The following CDK8 variants were observed in gnomAD, a reference collection of about 807,000 sequenced individuals.
CDK8 encodes cyclin-dependent kinase 8.
CDK8 carries 29 observed loss-of-function variants against 71.5 expected under a neutral mutation model. The observed-to-expected ratio is 0.41, with a 90% CI of 0.30 to 0.55. The LOEUF (loss-of-function observed/expected upper bound fraction) is 0.55, where lower values mean the gene tolerates loss of function less well. Among genes scored for constraint, CDK8 ranks in the 20% least tolerant of loss-of-function variants. CDK8 has a pLI of 0.37. For synonymous variants in CDK8, 161 were observed against 192.1 expected, an observed-to-expected ratio of 0.84 and a Z score of 1.34; for missense variants, 288 against 572.6, an observed-to-expected ratio of 0.50 and a Z score of 5.07.
intron 3 of CDK8, among the ~76,000 whole-genome samples, chr13:26,349,974 A>AT (rs1360158269): frequency 6.6e-6 from 1 of 152,148 alleles, no homozygotes; most frequent in African/African-American, 2.4e-5. Flanking sequence ...TGTTTAGATA[A>AT]CACACTTATT....
At chr13:26,324,107 A>G (rs372717218) in intron 1 of CDK8, among the ~76,000 whole-genome samples, 1 of 152,176 alleles carries the variant, frequency 6.6e-6, no homozygotes, top group East Asian at 1.9e-4. Flanking sequence ...TCCTAGAAAT[A>G]ATTGATACAG....
At chr13:26,333,797 A>G (rs1404631049) in intron 1 of CDK8, among the ~76,000 whole-genome samples, 1 of 152,184 alleles carries the variant, frequency 6.6e-6, no homozygotes, top group African/African-American at 2.4e-5. Flanking sequence ...AACACCTCTC[A>G]TCCCATGCAT....
chr13:26,367,518 T>G (rs2138021639), intron 4 of CDK8, among the ~76,000 whole-genome samples: 1 of 152,322 alleles, frequency 6.6e-6, no homozygotes, highest in East Asian at 1.9e-4. Flanking sequence ...GTCTGTCACT[T>G]TTCTCAGCTA....
rs1418310540 is a variant in CDK8, at chr13:26,404,286, GT to G, written c.*206del. ...TTTTGGAGTTAGACTTGAAAAGAAAGTGCTAGCACAGTTTGTGTTGTGGATT... is the reference window on the plus strand; with the variant it reads ...TTTTGGAGTTAGACTTGAAAAGAAAGGCTAGCACAGTTTGTGTTGTGGATT... On this transcript the variant is annotated 3_prime_UTR_variant, in exon 13 of 13. Transcript: ENST00000381527. 1 of 507,182 alleles carries G rather than the reference GT, an allele frequency of 2.0e-6. No individual in the cohort carries two copies. Among genetic ancestry groups the G allele is most frequent in the Non-Finnish European group, 3.5e-6 (1 of 288,632 alleles). The allele number at this position is 507,182 out of a possible 1,614,324, so 31.4% of individuals were successfully genotyped here.
intron 6 of CDK8, among the ~76,000 whole-genome samples, chr13:26,391,022 G>T (rs1814670151): frequency 6.6e-6 from 1 of 151,218 alleles, no homozygotes; most frequent in Non-Finnish European, 1.5e-5. Flanking sequence ...AAAAAACAAG[G>T]TAGGAAAAAG....
At chr13:26,355,519 G>A (rs568500046) in intron 4 of CDK8, among the ~76,000 whole-genome samples, 205 of 152,112 alleles carry the variant, frequency 1.3e-3, no homozygotes, top group Non-Finnish European at 1.8e-3. Flanking sequence ...GGAGGCTGAG[G>A]CAGAGAATTA....
In CDK8 at chr13:26,254,689, C is replaced by A; in HGVS notation, c.48C>A (p.Val16=). 1 of 1,612,606 alleles carries A rather than the reference C, an allele frequency of 6.2e-7. No homozygotes were observed. Among genetic ancestry groups the A allele is most frequent in the South Asian group, 1.1e-5 (1 of 90,702 alleles). The change falls in exon 1 of 13, where the codon GTC becomes GTA. Residue 16 remains valine, a synonymous_variant. Coordinates refer to ENST00000381527, the MANE Select transcript of CDK8 (RefSeq NM_001260.3). The surrounding 1 kb of genome is among the most constrained non-coding windows in gnomAD (Gnocchi z 6.7). ...KVKLSSERER[V]EDLFEYEGCK... ...AGCTGAGCAGCGAGCGGGAGCGGGTCGAGGACCTGTTTGAATACGAGGGCT... is the reference window on the plus strand; with the variant it reads ...AGCTGAGCAGCGAGCGGGAGCGGGTAGAGGACCTGTTTGAATACGAGGGCT...
chr13:26,291,904 A>G (rs1349797926), intron 1 of CDK8, among the ~76,000 whole-genome samples: 3 of 151,950 alleles, frequency 2.0e-5, no homozygotes, highest in African/African-American at 7.2e-5. Flanking sequence ...TTACTCCCTT[A>G]TTTTGCTGGC....
intron 4 of CDK8, among the ~76,000 whole-genome samples, chr13:26,364,147 G>A (rs1383573732): frequency 6.6e-6 from 1 of 152,104 alleles, no homozygotes; most frequent in African/African-American, 2.4e-5. Context: ...CTGGACTACC[G>A]AATTTAGGAT....
chr13:26,352,861 T>C (rs1413626711), intron 3 of CDK8, among the ~76,000 whole-genome samples: 1 of 152,242 alleles, frequency 6.6e-6, no homozygotes, highest in Non-Finnish European at 1.5e-5. Flanking sequence ...TGTTAACTTA[T>C]AATGTTAAAT....
rs369889152 is a variant in CDK8 at position 26,393,429 on chromosome 13, C to T, written c.709C>T (p.Arg237Ter). The T allele has an allele frequency of 6.2e-7, 1 of 1,611,186 alleles. No individual in the cohort carries two copies. Among genetic ancestry groups the T allele is most frequent in the Non-Finnish European group, 8.5e-7 (1 of 1,178,212 alleles). Residue 237 changes from arginine to a stop codon, truncating the protein, a stop_gained, in exon 7 of 13, where the codon CGA (arginine) becomes TGA (stop). Transcript: ENST00000381527. LOFTEE classifies it high-confidence loss of function. ...AACGTCAGAACCAATATTTCACTGT[C>T]GACAAGAGGACATCAAAACTAGTAA... is the stretch of plus-strand genomic sequence containing the variant. ...LLTSEPIFHC[R>*]QEDIKTSNPY...
intron 1 of CDK8, among the ~76,000 whole-genome samples, chr13:26,332,632 A>T (rs1000391100): frequency 2.6e-5 from 4 of 152,128 alleles, no homozygotes; most frequent in Admixed American, 2.6e-4. Flanking sequence ...GAGTGGTGAA[A>T]GTGAGCATCC....
chr13:26,275,673 G>A (rs1051532514), intron 1 of CDK8, among the ~76,000 whole-genome samples: 4 of 151,952 alleles, frequency 2.6e-5, no homozygotes, highest in Non-Finnish European at 5.9e-5. Flanking sequence ...AAGTAGAGAC[G>A]GTTCAATAAA....
intron 1 of CDK8, among the ~76,000 whole-genome samples, chr13:26,302,913 C>T (rs1188510300): frequency 7.2e-5 from 11 of 152,044 alleles, no homozygotes; most frequent in Admixed American, 7.2e-4. Flanking sequence ...ACTATGTTGC[C>T]CAGGCTGGCT....
intron 2 of CDK8, among the ~76,000 whole-genome samples, chr13:26,345,185 C>T (rs528991436): frequency 5.9e-5 from 9 of 152,138 alleles, no homozygotes; most frequent in African/African-American, 7.2e-5. Context: ...TGTGACTGTA[C>T]GGTCACATTC....
intron 1 of CDK8, among the ~76,000 whole-genome samples, chr13:26,293,260 A>G (rs1171341662): frequency 6.6e-6 from 1 of 152,094 alleles, no homozygotes; most frequent in Non-Finnish European, 1.5e-5. Flanking sequence ...TATTTCATGG[A>G]TGCAGTAGCT....
At chr13:26,403,867 T>A in intron 12 of CDK8, 89 bp from the exon 13 acceptor site, 3 of 1,503,122 alleles carry the variant, frequency 2.0e-6, no homozygotes, top group Non-Finnish European at 2.7e-6. Flanking sequence ...CCTTTCTTCC[T>A]TGAAACATAA....
intron 1 of CDK8, among the ~76,000 whole-genome samples, chr13:26,270,695 C>G (rs978347664): frequency 1.3e-5 from 2 of 152,130 alleles, no homozygotes; most frequent in African/African-American, 4.8e-5. Context: ...AAGGCTCATC[C>G]ATGTTGTAGC....
At chr13:26,394,989 A>C (rs1875915726) in intron 7 of CDK8, among the ~76,000 whole-genome samples, 1 of 152,236 alleles carries the variant, frequency 6.6e-6, no homozygotes, top group Non-Finnish European at 1.5e-5. Context: ...TGTATAAGCA[A>C]GGGAAAACTA....
Sources: allele counts gnomAD v4.1 joint callset (sites outside exome capture counted in the v4.1 genomes callset), GRCh38; gene constraint gnomAD v4.1.1; non-coding constraint Gnocchi (gnomAD v3.1); transcripts MANE v1.5; gene names NCBI Gene and HGNC (gene_info 2026-07-23, HGNC 2026-07-21).